The following COL14A1 variants were observed in gnomAD, a reference collection of about 807,000 sequenced individuals.
COL14A1 encodes collagen type XIV alpha 1 chain.
In COL14A1, 136 loss-of-function variants were observed where a neutral mutation model predicts 230.3. That is an observed-to-expected ratio of 0.59 (90% CI 0.51 to 0.68). COL14A1 has a LOEUF of 0.68. Among genes scored for constraint, COL14A1 ranks in the 30% least tolerant of loss-of-function variants. COL14A1 has a pLI of 0.00. For synonymous variants in COL14A1, 792 were observed against 784.1 expected (o/e 1.01, Z -0.17); for missense variants, 1,976 against 2,215.8 (o/e 0.89, Z 2.17).
chr8:120,181,821 A>C (rs1290124202), intron 5 of COL14A1, among the ~76,000 whole-genome samples: 1 of 152,142 alleles, frequency 6.6e-6, no homozygotes, highest in Non-Finnish European at 1.5e-5. Context: ...GCATGGTGGC[A>C]TGCACCTGTA....
At chr8:120,344,920 C>T (rs1429990702) in intron 44 of COL14A1, among the ~76,000 whole-genome samples, 1 of 152,206 alleles carries the variant, frequency 6.6e-6, no homozygotes, top group East Asian at 1.9e-4. Context: ...TAAAAAAAGG[C>T]TTGATGACCA....
intron 26 of COL14A1, 74 bp from the exon 27 acceptor site, chr8:120,278,037 G>A: frequency 7.8e-7 from 1 of 1,285,070 alleles, no homozygotes; most frequent in Non-Finnish European, 1.0e-6. Context: ...AACTACAGGT[G>A]ACACTGTGCT....
chr8:120,235,602 G>A (rs142337564), intron 19 of COL14A1, among the ~76,000 whole-genome samples: 3,957 of 151,952 alleles, frequency 0.026, 73 homozygotes, highest in Middle Eastern at 0.034. Context: ...AGGGCTTTTC[G>A]TGTCTCTATC....
chr8:120,232,573 C>A (rs1363611089), intron 19 of COL14A1, among the ~76,000 whole-genome samples: 1 of 152,148 alleles, frequency 6.6e-6, no homozygotes, highest in Non-Finnish European at 1.5e-5. Context: ...CAGCTTCATC[C>A]ATGTCCCTGC....
At chr8:120,341,403 A>G (rs1822294072) in intron 43 of COL14A1, 43 bp downstream of exon 43, 2 of 1,604,616 alleles carry the variant, frequency 1.2e-6, no homozygotes, top group Non-Finnish European at 8.5e-7. Flanking sequence ...AGCTTGTTGC[A>G]CCCCTTCCAT....
At chr8:120,241,385 G>A (rs911534046) in intron 19 of COL14A1, among the ~76,000 whole-genome samples, 2 of 152,110 alleles carry the variant, frequency 1.3e-5, no homozygotes, top group African/African-American at 2.4e-5. Flanking sequence ...GAGATGCAGG[G>A]CATCCTCTTT....
intron 15 of COL14A1, 46 bp downstream of exon 15, chr8:120,225,260 A>C (rs200073249): frequency 1.1e-4 from 170 of 1,571,226 alleles, no homozygotes; most frequent in Non-Finnish European, 1.3e-4. Flanking sequence ...AGTAGCTATT[A>C]ATATATAGAA....
chr8:120,201,858 C>CT (rs1817260565), intron 8 of COL14A1, among the ~76,000 whole-genome samples: 1 of 152,120 alleles, frequency 6.6e-6, no homozygotes, highest in African/African-American at 2.4e-5. Context: ...CATTTCCTCT[C>CT]TTTTCTGTGC....
chr8:120,173,608 CTGT>C (rs1299739180), intron 5 of COL14A1, among the ~76,000 whole-genome samples: 1 of 80,780 alleles, frequency 1.2e-5, no homozygotes, highest in Non-Finnish European at 2.7e-5. Flanking sequence ...TATCAATCAT[CTGT>C]TATCTATCAT....
At chr8:120,345,838 A>G (rs1432628176) in intron 45 of COL14A1, among the ~76,000 whole-genome samples, 1 of 152,198 alleles carries the variant, frequency 6.6e-6, no homozygotes, top group Admixed American at 6.5e-5. Context: ...TGAAAGAAAG[A>G]TAACCCCTCT....
At chr8:120,163,022 G>A (rs10099065) in intron 4 of COL14A1, among the ~76,000 whole-genome samples, 1 of 152,094 alleles carries the variant, frequency 6.6e-6, no homozygotes, top group African/African-American at 2.4e-5. Flanking sequence ...GCATATAATG[G>A]GCGCTCCATG....
chr8:120,255,177 A>C (rs1819103813), intron 22 of COL14A1, 63 bp from the exon 23 acceptor site: 1 of 1,327,602 alleles, frequency 7.5e-7, no homozygotes, highest in Non-Finnish European at 1.1e-6. Flanking sequence ...AGTTAATTTC[A>C]GATTCAGGGA....
At chr8:120,257,088 T>C (rs1280125956) in intron 23 of COL14A1, among the ~76,000 whole-genome samples, 1 of 152,250 alleles carries the variant, frequency 6.6e-6, no homozygotes, top group Non-Finnish European at 1.5e-5. Context: ...TTGATTTGTC[T>C]GATAATACTG....
At chr8:120,225,278 C>T in intron 15 of COL14A1, 64 bp downstream of exon 15, 15 of 1,335,866 alleles carry the variant, frequency 1.1e-5, no homozygotes, top group Non-Finnish European at 1.5e-5. Flanking sequence ...GAAACCAGAA[C>T]CTGGAGCACC....
At chr8:120,250,835 T>G in intron 22 of COL14A1, 69 bp downstream of exon 22, 1 of 1,546,780 alleles carries the variant, frequency 6.5e-7, no homozygotes, top group Non-Finnish European at 8.8e-7. Flanking sequence ...TGAGATGGAG[T>G]CTCGCTCTGT....
intron 36 of COL14A1, among the ~76,000 whole-genome samples, chr8:120,308,121 G>A (rs1015326922): frequency 5.9e-5 from 9 of 152,134 alleles, no homozygotes; most frequent in Non-Finnish European, 1.0e-4. Flanking sequence ...AGCTGGGATT[G>A]CAGGCCTGTG....
At chr8:120,346,513 T>G (rs1214746536) in intron 45 of COL14A1, among the ~76,000 whole-genome samples, 1 of 152,256 alleles carries the variant, frequency 6.6e-6, no homozygotes, top group Non-Finnish European at 1.5e-5. Context: ...ATTCCTTTTA[T>G]AAAATTTGAT....
At chr8:120,354,286 A>G (rs1260077715) in intron 45 of COL14A1, among the ~76,000 whole-genome samples, 3 of 122,698 alleles carry the variant, frequency 2.4e-5, no homozygotes, top group African/African-American at 9.7e-5. Context: ...GATATACCTA[A>G]TGCTAGATGA....
intron 40 of COL14A1, among the ~76,000 whole-genome samples, chr8:120,321,727 G>A (rs1432080299): frequency 6.6e-6 from 1 of 152,034 alleles, no homozygotes; most frequent in Non-Finnish European, 1.5e-5. Flanking sequence ...TTGCACCCTG[G>A]TTCTAACACT....
Sources: allele counts gnomAD v4.1 joint callset (sites outside exome capture counted in the v4.1 genomes callset), GRCh38; gene constraint gnomAD v4.1.1; transcripts MANE v1.5; gene names NCBI Gene and HGNC (gene_info 2026-07-23, HGNC 2026-07-21).